EPHB1: variants seen among roughly 807,000 people sequenced by gnomAD.
EPHB1 encodes the protein EPH receptor B1.
In EPHB1, 30 loss-of-function variants were observed where a neutral mutation model predicts 94.4. The observed-to-expected ratio is 0.32, with a 90% CI of 0.24 to 0.43. EPHB1 has a LOEUF of 0.43. Ranked by LOEUF, EPHB1 falls within the 20% of genes least tolerant of loss-of-function variation. The pLI is 1.00. For synonymous variants in EPHB1, 522 were observed against 489.1 expected (o/e 1.07, Z -0.89); for missense variants, 1,055 against 1,308.3 (o/e 0.81, Z 2.99).
intron 1 of EPHB1, among the ~76,000 whole-genome samples, chr3:134,892,605 T>C (rs934233272): frequency 6.6e-6 from 1 of 152,208 alleles, no homozygotes; most frequent in Non-Finnish European, 1.5e-5. Context: ...TGTTTGTAAG[T>C]TAGGGGTTTC....
Position 134,894,153 on chromosome 3 carries a change from C to T in EPHB1, c.59-31663C>T, listed in dbSNP as rs1465366969. Among the ~76,000 whole-genome samples the T allele has an allele frequency of 2.0e-5, 3 of 152,220 alleles. No homozygotes were observed. In the East Asian group the frequency reaches 5.8e-4, roughly 29 times the overall value. ...AGCACCATCCCGTCTTCCAAGGATC[C>T]TTGCAGCCCAGCACGTGTGGGGCTC... On this transcript the variant is annotated intron_variant, in intron 1 of 15. Transcript: ENST00000398015.
intron 4 of EPHB1, among the ~76,000 whole-genome samples, chr3:135,118,612 T>C (rs1939809539): frequency 6.6e-6 from 1 of 152,204 alleles, no homozygotes; most frequent in Non-Finnish European, 1.5e-5. Context: ...GGAGGAGGAC[T>C]ATTGCCTCTG....
intron 2 of EPHB1, among the ~76,000 whole-genome samples, chr3:134,941,760 C>G (rs1037954364): frequency 9.0e-6 from 1 of 110,774 alleles, no homozygotes; most frequent in Non-Finnish European, 1.8e-5. Context: ...CAGACACACA[C>G]ACACACACAC....
chr3:134,986,319 G>A (rs930584553), intron 3 of EPHB1, among the ~76,000 whole-genome samples: 15 of 152,180 alleles, frequency 9.9e-5, no homozygotes, highest in Non-Finnish European at 1.6e-4. Context: ...GGGGTGCTTT[G>A]TCTCTGAGAT....
intron 3 of EPHB1, among the ~76,000 whole-genome samples, chr3:135,075,326 G>C (rs188534596): frequency 8.5e-5 from 13 of 152,244 alleles, no homozygotes; most frequent in African/African-American, 2.9e-4. Context: ...GTCAACTGCA[G>C]GGTTAGATTG....
rs1444655582 is a variant in EPHB1 at position 134,795,598 on chromosome 3, G to T, written c.-34G>T. 1 of 1,599,636 alleles carries T rather than the reference G, an allele frequency of 6.3e-7. No homozygotes were observed. The highest frequency in any genetic ancestry group is 1.4e-5 in the African/African-American group (1 of 72,476). The stretch of plus-strand genomic sequence containing the variant: ...GGCGCTCTCCCGGCGCTGCTGCCTC[G>T]GCTTGGTCTCGGCCTGCGGGCCGTC... On this transcript the variant is annotated 5_prime_UTR_variant, in exon 1 of 16. Transcript: ENST00000398015.
chr3:135,199,679 T>A (rs1187528913), intron 11 of EPHB1, among the ~76,000 whole-genome samples: 1 of 152,206 alleles, frequency 6.6e-6, no homozygotes, highest in African/African-American at 2.4e-5. Context: ...TTTGCTCTAT[T>A]CCTTCAATTG....
At chr3:135,054,179 A>G (rs150720744) in intron 3 of EPHB1, among the ~76,000 whole-genome samples, 378 of 152,176 alleles carry the variant, frequency 2.5e-3, no homozygotes, top group Non-Finnish European at 4.3e-3. Context: ...GCCTCATCCA[A>G]TCAGTTGAAA....
chr3:134,974,681 C>A (rs1934112533), intron 3 of EPHB1, among the ~76,000 whole-genome samples: 1 of 152,164 alleles, frequency 6.6e-6, no homozygotes, highest in Admixed American at 6.5e-5. Context: ...TGCTCCAGTG[C>A]CAGCTGACAT....
chr3:135,074,799 C>T (rs1937851551), intron 3 of EPHB1, among the ~76,000 whole-genome samples: 1 of 152,134 alleles, frequency 6.6e-6, no homozygotes. Flanking sequence ...TTGGGGAGCT[C>T]TCCTTCTTCC....
chr3:135,145,356 C>G (rs988030812), intron 5 of EPHB1, among the ~76,000 whole-genome samples: 3 of 152,166 alleles, frequency 2.0e-5, no homozygotes, highest in Admixed American at 2.0e-4. Flanking sequence ...GATGGCCAGC[C>G]AGCCCAATCC....
At chr3:134,921,954 A>G (rs1356113798) in intron 1 of EPHB1, among the ~76,000 whole-genome samples, 2 of 152,148 alleles carry the variant, frequency 1.3e-5, no homozygotes, top group African/African-American at 4.8e-5. Context: ...GGTAGTGAAG[A>G]TGGGACTTGG....
Position 134,905,841 on chromosome 3 carries a change from A to G in EPHB1, c.59-19975A>G, listed in dbSNP as rs142695350. 5.6e-3 allele frequency among the ~76,000 whole-genome samples: 846 copies of G among 152,240 alleles called. 10 individuals carry two copies. Among genetic ancestry groups the G allele is most frequent in the African/African-American group, 0.019 (810 of 41,552 alleles). ...CCCATGATTCCCAGGCAGTCCTTGG[A>G]CTGTTTCGATTGAGCATCTTGCTGT... On this transcript the variant is annotated intron_variant, in intron 1 of 15. Coordinates refer to ENST00000398015, the MANE Select transcript of EPHB1 (RefSeq NM_004441.5).
rs148080557 is a variant in EPHB1, at chr3:135,002,799, G to A, written c.805+50747G>A. ...AGTTTGTATTTCTGTGGGATCAGTG[G>A]TGATATCCCCTTTATCATTTTTTAT... On this transcript the variant is annotated intron_variant, in intron 3 of 15. Transcript: ENST00000398015. Among the ~76,000 whole-genome samples the A allele has an allele frequency of 5.5e-3, 840 of 152,044 alleles. 6 individuals carry two copies. Among genetic ancestry groups the A allele is most frequent in the Middle Eastern group, 0.017 (5 of 294 alleles).
intron 3 of EPHB1, among the ~76,000 whole-genome samples, chr3:135,049,679 C>G (rs1937110048): frequency 6.6e-6 from 1 of 152,182 alleles, no homozygotes; most frequent in East Asian, 1.9e-4. Context: ...GGCATAGACC[C>G]CACTTCTGGA....
At chr3:135,219,469 G>C (rs903939247) in intron 12 of EPHB1, among the ~76,000 whole-genome samples, 5 of 151,984 alleles carry the variant, frequency 3.3e-5, no homozygotes, top group African/African-American at 7.2e-5. Flanking sequence ...CAGAGGTTGG[G>C]TGATGCCAAG....
intron 3 of EPHB1, among the ~76,000 whole-genome samples, chr3:135,054,121 A>T (rs1937279800): frequency 6.6e-6 from 1 of 152,002 alleles, no homozygotes; most frequent in Admixed American, 6.6e-5. Flanking sequence ...CAAAATATTG[A>T]CATTAAAATT....
intron 13 of EPHB1, among the ~76,000 whole-genome samples, chr3:135,242,969 G>A (rs959846012): frequency 6.6e-6 from 1 of 151,532 alleles, no homozygotes; most frequent in Non-Finnish European, 1.5e-5. Flanking sequence ...TCAGCTACTC[G>A]GGAGACTGAG....
At chr3:135,239,077 C>T (rs1252367334) in intron 12 of EPHB1, among the ~76,000 whole-genome samples, 1 of 152,212 alleles carries the variant, frequency 6.6e-6, no homozygotes, top group East Asian at 1.9e-4. Flanking sequence ...ACAGCCTAAG[C>T]ATGCCCTCCA....
Sources: gnomAD v4.1 joint callset for allele counts (sites outside exome capture counted in the v4.1 genomes callset) on GRCh38, gnomAD v4.1.1 for gene constraint, MANE v1.5 for transcripts, NCBI Gene and HGNC (gene_info 2026-07-23, HGNC 2026-07-21) for gene names.